Variants in PACSIN2 observed in about 807,000 individuals in gnomAD.
PACSIN2 encodes protein kinase C and casein kinase substrate in neurons protein 2.
Under a neutral mutation model 63.8 loss-of-function variants are expected in PACSIN2, and 25 were observed. That is an observed-to-expected ratio of 0.39 (90% CI 0.29 to 0.55). PACSIN2 has a LOEUF of 0.55. Ranked by LOEUF, PACSIN2 falls within the 20% of genes least tolerant of loss-of-function variation. PACSIN2 has a pLI of 0.62. For synonymous variants in PACSIN2, 255 were observed against 256.2 expected (o/e 1.00, Z 0.05); for missense variants, 518 against 646.9 (o/e 0.80, Z 2.16).
chr22:42,957,141 C>T (rs960993233), intron 1 of PACSIN2, among the ~76,000 whole-genome samples: 2 of 152,118 alleles, frequency 1.3e-5, no homozygotes, highest in African/African-American at 4.8e-5. Flanking sequence ...GAAAGCAGCA[C>T]CTCTTTAAGG....
At chr22:42,944,208 G>C (rs1439544533) in intron 1 of PACSIN2, among the ~76,000 whole-genome samples, 1 of 152,176 alleles carries the variant, frequency 6.6e-6, no homozygotes, top group Non-Finnish European at 1.5e-5. Flanking sequence ...GGGACTCTGT[G>C]GAACCGCACC....
chr22:42,972,231 T>C (rs2146870172), intron 1 of PACSIN2, among the ~76,000 whole-genome samples: 2 of 152,368 alleles, frequency 1.3e-5, no homozygotes, highest in South Asian at 4.1e-4. Context: ...CTCTGAAACA[T>C]GTGCTGTGTC....
Position 42,871,154 on chromosome 22 carries a change from C to T in PACSIN2, c.*203G>A, listed in dbSNP as rs1163990832. 1.2e-5 allele frequency: 7 copies of T among 595,632 alleles called. No individual in the cohort carries two copies. Among genetic ancestry groups the T allele is most frequent in the Non-Finnish European group, 2.1e-5 (7 of 332,294 alleles). 36.9% of individuals were successfully genotyped at this position (595,632 alleles called of 1,614,324 possible). A position where few individuals can be genotyped will look rare whatever the true frequency, so the allele number is the denominator to read the frequency against. On this transcript the variant is annotated 3_prime_UTR_variant, in exon 11 of 11. Coordinates refer to ENST00000263246, the MANE Select transcript of PACSIN2 (RefSeq NM_001184970.3). The surrounding 1 kb of genome is among the most constrained non-coding windows in gnomAD (Gnocchi z 5.4). Reference sequence around the variant, plus strand: ...GCTATTTCTGTTGTTCTGCGTCTTCCTGCGCTCAGATCCCTCCAGCTGCAC... The same window carrying T: ...GCTATTTCTGTTGTTCTGCGTCTTCTTGCGCTCAGATCCCTCCAGCTGCAC...
At position 42,982,888 on chromosome 22, in the gene PACSIN2, A is replaced by AAAAAAAAAAAAAAAAAAAAAAAAAC. The variant is rs759532303; in HGVS notation, c.-78+32132_-78+32133insGTTTTTTTTTTTTTTTTTTTTTTTT. The stretch of plus-strand genomic sequence containing the variant: ...GATCAATAAAAAAAAAAAAAAAAAA[A>AAAAAAAAAAAAAAAAAAAAAAAAAC]AACAACAACAAGGCTAGGAGCAGTG... On this transcript the variant is annotated intron_variant, in intron 1 of 10. Coordinates refer to ENST00000263246, the MANE Select transcript of PACSIN2 (RefSeq NM_001184970.3). Among the ~76,000 whole-genome samples, 11 of 105,198 alleles carry AAAAAAAAAAAAAAAAAAAAAAAAAC rather than the reference A, an allele frequency of 1.0e-4. 1 individual carries two copies. The highest frequency in any genetic ancestry group is 1.7e-4 in the Non-Finnish European group (8 of 47,928). The allele number at this position is 105,198 out of a possible 152,430, so 69.0% of individuals were successfully genotyped here. A position where few individuals can be genotyped will look rare whatever the true frequency, so the allele number is the denominator to read the frequency against.
chr22:43,009,836 G>A (rs1924336651), intron 1 of PACSIN2, among the ~76,000 whole-genome samples: 1 of 149,472 alleles, frequency 6.7e-6, no homozygotes, highest in African/African-American at 2.5e-5. Flanking sequence ...CGAGGTCTTT[G>A]ATAGTTGAGA....
intron 7 of PACSIN2, among the ~76,000 whole-genome samples, chr22:42,880,191 C>T (rs928588134): frequency 1.3e-5 from 2 of 152,222 alleles, no homozygotes; most frequent in African/African-American, 4.8e-5. Context: ...TGGAAGCCAA[C>T]TCAGAAGCAT....
intron 1 of PACSIN2, among the ~76,000 whole-genome samples, chr22:43,010,399 T>TATATATATATATATATA (rs1388431678): frequency 3.1e-4 from 10 of 32,490 alleles, no homozygotes; most frequent in Non-Finnish European, 5.1e-4. Flanking sequence ...TATATATATA[T>TATATATATATATATATA]TTTTTTTTAA....
chr22:42,955,192 C>T (rs751688184), intron 1 of PACSIN2, among the ~76,000 whole-genome samples: 18 of 152,182 alleles, frequency 1.2e-4, no homozygotes, highest in Non-Finnish European at 2.1e-4. Flanking sequence ...GAGACCAGAA[C>T]TCAATCCTAA....
chr22:43,013,041 C>G (rs1195989845), intron 1 of PACSIN2, among the ~76,000 whole-genome samples: 1 of 152,160 alleles, frequency 6.6e-6, no homozygotes, highest in African/African-American at 2.4e-5. Context: ...ATCTGCCCGC[C>G]TCGGCCTTCC....
At chr22:42,988,662 T>C (rs183774918) in intron 1 of PACSIN2, among the ~76,000 whole-genome samples, 4 of 152,338 alleles carry the variant, frequency 2.6e-5, no homozygotes, top group Non-Finnish European at 2.9e-5. Flanking sequence ...CTGTACCAAA[T>C]GCAGTTCAGT....
At chr22:42,950,839 C>G (rs538849421) in intron 1 of PACSIN2, among the ~76,000 whole-genome samples, 4 of 152,054 alleles carry the variant, frequency 2.6e-5, no homozygotes, top group Non-Finnish European at 5.9e-5. Context: ...TGTGGGGTCC[C>G]GGGATGGGTA....
intron 1 of PACSIN2, among the ~76,000 whole-genome samples, chr22:42,955,681 A>C (rs1325670723): frequency 6.6e-6 from 1 of 152,216 alleles, no homozygotes; most frequent in Non-Finnish European, 1.5e-5. Context: ...TGGTCTTGCC[A>C]CTTTCCTTCA....
chr22:43,000,623 C>CT (rs750694480), intron 1 of PACSIN2, among the ~76,000 whole-genome samples: 34 of 152,296 alleles, frequency 2.2e-4, no homozygotes, highest in African/African-American at 7.9e-4. Context: ...ACCCAAAAAA[C>CT]TTTAAGGAAG....
At chr22:42,891,550 G>A (rs1321154755) in intron 3 of PACSIN2, among the ~76,000 whole-genome samples, 1 of 152,020 alleles carries the variant, frequency 6.6e-6, no homozygotes. Flanking sequence ...ACAGGTGCCC[G>A]CCACCACGCC....
intron 1 of PACSIN2, among the ~76,000 whole-genome samples, chr22:42,941,219 T>TGACA (rs146523785): frequency 6.6e-6 from 1 of 151,604 alleles, no homozygotes; most frequent in East Asian, 1.9e-4. Flanking sequence ...TTGCAGCATG[T>TGACA]GTATTTCACT....
intron 1 of PACSIN2, among the ~76,000 whole-genome samples, chr22:42,938,805 C>CAAGGG (rs1421319813): frequency 6.6e-6 from 1 of 152,156 alleles, no homozygotes; most frequent in African/African-American, 2.4e-5. Flanking sequence ...GAGAAGACGA[C>CAAGGG]AAGGGAAGGG....
chr22:43,004,574 T>C (rs1923970586), intron 1 of PACSIN2, among the ~76,000 whole-genome samples: 1 of 152,182 alleles, frequency 6.6e-6, no homozygotes, highest in African/African-American at 2.4e-5. Context: ...TGCTCTGTGG[T>C]TCCTCTGAAG....
intron 1 of PACSIN2, among the ~76,000 whole-genome samples, chr22:43,005,351 C>G (rs1018700305): frequency 5.9e-5 from 9 of 152,224 alleles, no homozygotes; most frequent in African/African-American, 1.9e-4. Context: ...CAGAGAATTA[C>G]CAACCCAGAA....
chr22:42,987,305 T>C (rs1049539881), intron 1 of PACSIN2, among the ~76,000 whole-genome samples: 3 of 152,008 alleles, frequency 2.0e-5, no homozygotes, highest in Non-Finnish European at 4.4e-5. Context: ...TGTTATTATA[T>C]GGGCTGCTTA....
Sources: allele counts gnomAD v4.1 joint callset (sites outside exome capture counted in the v4.1 genomes callset), GRCh38; gene constraint gnomAD v4.1.1; non-coding constraint Gnocchi (gnomAD v3.1); transcripts MANE v1.5; gene names NCBI Gene and HGNC (gene_info 2026-07-23, HGNC 2026-07-21).